The following P4HA2 variants were observed in gnomAD, a reference collection of about 807,000 sequenced individuals.
P4HA2 encodes prolyl 4-hydroxylase subunit alpha 2.
Under a neutral mutation model 76.9 loss-of-function variants are expected in P4HA2, and 46 were observed. The observed-to-expected ratio is 0.60, with a 90% CI of 0.47 to 0.76. The LOEUF is 0.76. P4HA2 is among the 30% of genes least tolerant of loss of function. The pLI, the probability that P4HA2 is intolerant of heterozygous loss-of-function variation, is 0.00. For synonymous variants in P4HA2, 243 were observed against 254.0 expected (o/e 0.96, Z 0.41); for missense variants, 583 against 669.4 (o/e 0.87, Z 1.42).
intron 4 of P4HA2, 113 bp downstream of exon 4, chr5:132,217,084 C>T: frequency 4.1e-6 from 4 of 984,088 alleles, no homozygotes; most frequent in Non-Finnish European, 4.5e-6. Flanking sequence ...GTCCTGTTTC[C>T]ACAATGTACT....
intron 1 of P4HA2, among the ~76,000 whole-genome samples, chr5:132,225,019 T>C (rs1755160388): frequency 7.9e-6 from 1 of 127,206 alleles, no homozygotes; most frequent in South Asian, 2.7e-4. Flanking sequence ...CAGTAAATCA[T>C]CCAGACTTTT....
In P4HA2 at chr5:132,209,228, T is replaced by A. The variant is rs769977098; in HGVS notation, c.813A>T (p.Ala271=). 6.2e-7 allele frequency: 1 copy of A among 1,614,074 alleles called. No homozygotes were observed. Among genetic ancestry groups the A allele is most frequent in the South Asian group, 1.1e-5 (1 of 91,088 alleles). The change falls in exon 7 of 15, where the codon GCA becomes GCT. Residue 271 remains alanine (A), a synonymous_variant. Coordinates refer to ENST00000360568, the MANE Select transcript of P4HA2 (RefSeq NM_001017974.2). ...TLTNQTEAEL[A]TPEGIYERPV... Reference sequence around the variant, plus strand: ...GCCTCTCATAGATGCCTTCTGGGGTTGCTAGCTCAGCTTCTGTCTGATTTG... The same window carrying A: ...GCCTCTCATAGATGCCTTCTGGGGTAGCTAGCTCAGCTTCTGTCTGATTTG...
intron 5 of P4HA2, among the ~76,000 whole-genome samples, chr5:132,210,869 A>G (rs1482723402): frequency 6.6e-6 from 1 of 152,230 alleles, no homozygotes; most frequent in Non-Finnish European, 1.5e-5. Context: ...TCTGGTGGGC[A>G]GTTTGCCATA....
At chr5:132,204,046 G>A in intron 9 of P4HA2, 36 bp downstream of exon 9, 1 of 1,563,160 alleles carries the variant, frequency 6.4e-7, no homozygotes, top group South Asian at 1.1e-5. Flanking sequence ...CTGAAGTTGG[G>A]GCTTGAGCAG....
At chr5:132,194,570 C>T (rs1439042232) in intron 14 of P4HA2, among the ~76,000 whole-genome samples, 3 of 152,078 alleles carry the variant, frequency 2.0e-5, no homozygotes, top group African/African-American at 7.2e-5. Flanking sequence ...TGCCTCCATC[C>T]ATATGGGCCT....
chr5:132,190,294 G>A lies in P4HA2; in HGVS notation c.*2716C>T, dbSNP rs1211043394. Among the ~76,000 whole-genome samples the A allele has an allele frequency of 3.9e-5, 6 of 152,284 alleles. No homozygotes were observed. The highest frequency in any genetic ancestry group is 1.3e-4 in the Admixed American group (2 of 15,286). On this transcript the variant is annotated 3_prime_UTR_variant, in exon 15 of 15. Coordinates refer to ENST00000360568, the MANE Select transcript of P4HA2 (RefSeq NM_001017974.2). Reference sequence around the variant, plus strand: ...GTCACGTTTCTATTCTCAGCTGCAAGCTCATCCTTGTAGTCTCTACTGTTC... The same window carrying A: ...GTCACGTTTCTATTCTCAGCTGCAAACTCATCCTTGTAGTCTCTACTGTTC...
rs1197176715 is a variant in P4HA2 at position 132,190,506 on chromosome 5, A to C, written c.*2504T>G. Among the ~76,000 whole-genome samples, 1 of 152,210 alleles carries C rather than the reference A, an allele frequency of 6.6e-6. No individual in the cohort carries two copies. The highest frequency in any genetic ancestry group is 2.4e-5 in the African/African-American group (1 of 41,458). On this transcript the variant is annotated 3_prime_UTR_variant, in exon 15 of 15. Transcript: ENST00000360568. ...AAGCCCCTGAGATTTAAGGATTATT[A>C]CTACAGAAAAAGCCCATCCTATCCT...
At chr5:132,193,175 G>A (rs571015061) in intron 14 of P4HA2, 95 bp from the exon 15 acceptor site, 5 of 794,730 alleles carry the variant, frequency 6.3e-6, no homozygotes, top group East Asian at 2.5e-5. Context: ...ACTGTGCCCT[G>A]GAATCAGACA....
At chr5:132,225,755 A>G (rs1175716007) in intron 1 of P4HA2, among the ~76,000 whole-genome samples, 1 of 152,238 alleles carries the variant, frequency 6.6e-6, no homozygotes, top group Non-Finnish European at 1.5e-5. Flanking sequence ...GTGACTAAGT[A>G]AGCACTGTCT....
At position 132,217,213 on chromosome 5, in the gene P4HA2, C is replaced by T. The variant is rs200837492; in HGVS notation, c.315G>A (p.Leu105=). The T allele has an allele frequency of 6.2e-7, 1 of 1,614,124 alleles. No homozygotes were observed. Among genetic ancestry groups the T allele is most frequent in the Non-Finnish European group, 8.5e-7 (1 of 1,179,984 alleles). ...GTCCCTCACCTGCAGCTGAGTCCTG[C>T]AGGACAAGGTCCTCCAGCGCAGGCC... ...TDWPALEDLV[L]QDSAAGFIAN... is the part of the protein sequence containing the mutation. The change falls in exon 4 of 15, where the codon CTG becomes CTA. Residue 105 remains leucine (L), a synonymous_variant. Transcript: ENST00000360568.
At chr5:132,217,877 G>A (rs760427413) in intron 2 of P4HA2, 29 bp from the exon 3 acceptor site, 1 of 1,389,646 alleles carries the variant, frequency 7.2e-7, no homozygotes, top group South Asian at 1.2e-5. Flanking sequence ...AGACACCAGT[G>A]AGAAACAGAT....
Position 132,218,547 on chromosome 5 carries a change from A to G in P4HA2, c.80T>C (p.Ile27Thr), listed in dbSNP as rs1412889284. ...SCVQAEFFTS[I>T]GHMTDLIYAE... is the part of the protein sequence containing the mutation. ...ACGACAGTCCTGTTGGCACGTACCA[A>G]TAGAGGTGAAGAATTCGGCCTGCAC... The change falls in exon 2 of 15, where the codon ATT becomes ACT. Residue 27 changes from isoleucine (I) to threonine (T), a missense_variant and splice_region_variant. Physicochemically the swap from Ile to Thr is moderately conservative, Grantham distance 89. Transcript: ENST00000360568. 5 of 1,609,696 alleles carry G rather than the reference A, an allele frequency of 3.1e-6. No individual in the cohort carries two copies. The highest frequency in any genetic ancestry group is 2.2e-5 in the East Asian group (1 of 44,854).
rs1751673540 is a variant in P4HA2, at chr5:132,202,639, T to G, written c.1251+1109A>C. 3.3e-5 allele frequency: 5 copies of G among 152,234 alleles called. No individual in the cohort carries two copies. In the South Asian group the frequency reaches 8.3e-4, roughly 25 times the overall value. The allele number at this position is 152,234 out of a possible 1,614,324, so 9.4% of individuals were successfully genotyped here. On this transcript the variant is annotated intron_variant, in intron 10 of 14. Coordinates refer to ENST00000360568, the MANE Select transcript of P4HA2 (RefSeq NM_001017974.2). ...AATATTTATAAGGGAACATAGCCAG[T>G]GCTGATTTGGACTCAATACCCAAGA...
intron 5 of P4HA2, among the ~76,000 whole-genome samples, chr5:132,210,918 AC>A (rs1351666749): frequency 6.6e-6 from 1 of 152,228 alleles, no homozygotes; most frequent in Non-Finnish European, 1.5e-5. Flanking sequence ...AATATAAAAA[AC>A]ATAAATTTAG....
chr5:132,209,663 C>T (rs934672110), intron 6 of P4HA2, among the ~76,000 whole-genome samples: 3 of 150,576 alleles, frequency 2.0e-5, no homozygotes, highest in Non-Finnish European at 4.4e-5. Context: ...TAATCCCAGC[C>T]ACCTGGGAGG....
intron 8 of P4HA2, among the ~76,000 whole-genome samples, chr5:132,207,012 C>T (rs967061015): frequency 6.6e-6 from 1 of 152,134 alleles, no homozygotes; most frequent in African/African-American, 2.4e-5. Flanking sequence ...TGACATAACA[C>T]TTAATATATA....
chr5:132,216,570 T>C (rs972904049), intron 4 of P4HA2, among the ~76,000 whole-genome samples: 13 of 152,170 alleles, frequency 8.5e-5, no homozygotes, highest in African/African-American at 3.1e-4. Context: ...GAATGGCATA[T>C]AAAGAAGCTG....
At chr5:132,218,763 C>CT (rs1327600250) in intron 1 of P4HA2, 119 bp from the exon 2 acceptor site, 5 of 633,542 alleles carry the variant, frequency 7.9e-6, no homozygotes, top group African/African-American at 5.5e-5. Flanking sequence ...AAATCCTGGC[C>CT]TAGCACACAG....
chr5:132,210,438 C>T lies in P4HA2; in HGVS notation c.555G>A (p.Thr185=), dbSNP rs200709337. ...TTAGCACCTGCTCCATCCACAACAC[C>T]GTATGATAATAGTCCCCTTCATTGT... is the stretch of plus-strand genomic sequence containing the variant. The part of the protein sequence containing the change: ...SAYNEGDYYH[T]VLWMEQVLKQ... The change falls in exon 6 of 15, where the codon ACG becomes ACA. Residue 185 remains threonine (T), a synonymous_variant. Coordinates refer to ENST00000360568, the MANE Select transcript of P4HA2 (RefSeq NM_001017974.2). 2.7e-5 allele frequency: 44 copies of T among 1,613,930 alleles called. No individual in the cohort carries two copies. The highest frequency in any genetic ancestry group is 3.4e-5 in the Non-Finnish European group (40 of 1,180,010).
Sources: gnomAD v4.1 joint callset for allele counts (sites outside exome capture counted in the v4.1 genomes callset) on GRCh38, gnomAD v4.1.1 for gene constraint, MANE v1.5 for transcripts, NCBI Gene and HGNC (gene_info 2026-07-23, HGNC 2026-07-21) for gene names.